Variants in MUSK observed in about 807,000 individuals in gnomAD.
The protein encoded by MUSK is muscle associated receptor tyrosine kinase.
MUSK carries 55 observed loss-of-function variants against 88.7 expected under a neutral mutation model. The observed-to-expected ratio is 0.62, with a 90% CI of 0.50 to 0.78. The LOEUF (loss-of-function observed/expected upper bound fraction) is 0.78. MUSK is among the 30% of genes least tolerant of loss of function. The probability of loss-of-function intolerance (pLI) is 0.00; values close to 1 mark genes in which losing one functional copy is unlikely to be tolerated. For missense variants in MUSK, 1,015 were observed against 1,074.3 expected (o/e 0.94, Z 0.77); for synonymous variants, 387 against 391.9 (o/e 0.99, Z 0.15).
intron 11 of MUSK, among the ~76,000 whole-genome samples, chr9:110,784,121 C>G (rs928524563): frequency 6.6e-6 from 1 of 152,000 alleles, no homozygotes; most frequent in Non-Finnish European, 1.5e-5. Flanking sequence ...AACATTGTTG[C>G]TGATTATTTT....
intron 7 of MUSK, among the ~76,000 whole-genome samples, chr9:110,760,427 G>A (rs2077382058): frequency 6.6e-6 from 1 of 152,066 alleles, no homozygotes; most frequent in Non-Finnish European, 1.5e-5. Context: ...GTATGGAACT[G>A]GAGGCCACTA....
chr9:110,801,045 G>A lies in MUSK; in HGVS notation c.*57G>A. 1 of 1,413,654 alleles carries A rather than the reference G, an allele frequency of 7.1e-7. No homozygotes were observed. The highest frequency in any genetic ancestry group is 9.3e-7 in the Non-Finnish European group (1 of 1,074,568). 87.6% of individuals were successfully genotyped at this position (1,413,654 alleles called of 1,614,324 possible). A position where few individuals can be genotyped will look rare whatever the true frequency, so the allele number is the denominator to read the frequency against. On this transcript the variant is annotated 3_prime_UTR_variant, in exon 15 of 15. Transcript: ENST00000374448. The stretch of plus-strand genomic sequence containing the variant: ...TTCCTCTCAGACTCTGTGAGCCAGG[G>A]GAATCCTACACCAGAGGCCCAACAA...
intron 3 of MUSK, among the ~76,000 whole-genome samples, chr9:110,689,925 A>T (rs1346492624): frequency 1.0e-5 from 1 of 96,320 alleles, no homozygotes; most frequent in Non-Finnish European, 1.8e-5. Flanking sequence ...ACATATTTAA[A>T]TATAATATAT....
chr9:110,757,869 T>G (rs1302518049), intron 7 of MUSK, among the ~76,000 whole-genome samples: 1 of 152,216 alleles, frequency 6.6e-6, no homozygotes, highest in African/African-American at 2.4e-5. Flanking sequence ...TTCTGTTTAG[T>G]GAGGTATTCG....
chr9:110,773,798 T>C (rs2077619800), intron 9 of MUSK, among the ~76,000 whole-genome samples: 1 of 152,176 alleles, frequency 6.6e-6, no homozygotes, highest in Admixed American at 6.5e-5. Flanking sequence ...GGCCATGTTG[T>C]AATAAAGAGG....
chr9:110,751,904 G>A (rs962272141), intron 7 of MUSK, among the ~76,000 whole-genome samples: 15 of 152,122 alleles, frequency 9.9e-5, no homozygotes, highest in African/African-American at 2.9e-4. Flanking sequence ...GTTGTTACTC[G>A]AAAACTGAAA....
At chr9:110,735,150 C>T (rs923885324) in intron 6 of MUSK, among the ~76,000 whole-genome samples, 7 of 152,096 alleles carry the variant, frequency 4.6e-5, no homozygotes, top group South Asian at 2.1e-4. Context: ...AACAGTATGG[C>T]GGTTACTCAA....
intron 2 of MUSK, among the ~76,000 whole-genome samples, chr9:110,685,233 C>T (rs1337779394): frequency 2.6e-5 from 4 of 152,048 alleles, no homozygotes; most frequent in African/African-American, 9.7e-5. Flanking sequence ...GTTTCTTACC[C>T]TTCATCTGTT....
At chr9:110,713,319 G>A (rs1042401913) in intron 5 of MUSK, among the ~76,000 whole-genome samples, 1 of 149,238 alleles carries the variant, frequency 6.7e-6, no homozygotes, top group Non-Finnish European at 1.5e-5. Context: ...AAGTGCAGTG[G>A]TGCAATCTCT....
intron 5 of MUSK, among the ~76,000 whole-genome samples, chr9:110,705,215 C>T (rs1564233778): frequency 6.6e-6 from 1 of 152,096 alleles, no homozygotes; most frequent in Non-Finnish European, 1.5e-5. Context: ...AGTTCTGTTG[C>T]TCCATTGATC....
intron 9 of MUSK, among the ~76,000 whole-genome samples, chr9:110,769,935 G>A (rs2077543592): frequency 6.6e-6 from 1 of 151,842 alleles, no homozygotes; most frequent in Admixed American, 6.6e-5. Flanking sequence ...AGCCATTGTG[G>A]TTTTCTGATT....
Position 110,721,776 on chromosome 9 carries a change from A to G in MUSK, c.629-12475A>G, listed in dbSNP as rs373049712. Among the ~76,000 whole-genome samples the G allele has an allele frequency of 3.0e-4, 46 of 152,310 alleles. 1 individual carries two copies. In the South Asian group the frequency reaches 8.3e-3, roughly 27 times the overall value. On this transcript the variant is annotated intron_variant, in intron 5 of 14. Coordinates refer to ENST00000374448, the MANE Select transcript of MUSK (RefSeq NM_005592.4). ...CATATGGAACCTAAAAAGAGCCCAC[A>G]TGGCCAAAGCAAGACTAAGCAAAAA...
chr9:110,771,512 G>T (rs1338532905), intron 9 of MUSK, among the ~76,000 whole-genome samples: 1 of 152,066 alleles, frequency 6.6e-6, no homozygotes, highest in Non-Finnish European at 1.5e-5. Context: ...AATATATACT[G>T]CTTTGTGTCT....
intron 14 of MUSK, among the ~76,000 whole-genome samples, chr9:110,788,661 T>C (rs2077917141): frequency 6.6e-6 from 1 of 150,904 alleles, no homozygotes; most frequent in African/African-American, 2.4e-5. Context: ...AAATCTGTGC[T>C]CTCATAGAGC....
At chr9:110,724,407 T>C (rs1010859503) in intron 5 of MUSK, among the ~76,000 whole-genome samples, 1 of 152,034 alleles carries the variant, frequency 6.6e-6, no homozygotes, top group African/African-American at 2.4e-5. Context: ...TCTACTTCCT[T>C]CATTCATATA....
At chr9:110,768,419 T>A (rs2766983) in intron 9 of MUSK, among the ~76,000 whole-genome samples, 10 of 152,006 alleles carry the variant, frequency 6.6e-5, no homozygotes, top group Non-Finnish European at 5.9e-5. Flanking sequence ...TCACTTGAAC[T>A]GGGGAGGCAG....
chr9:110,786,189 T>C (rs1012526385), intron 13 of MUSK, among the ~76,000 whole-genome samples: 14 of 150,694 alleles, frequency 9.3e-5, no homozygotes, highest in African/African-American at 3.2e-4. Context: ...TGCACAACTG[T>C]AGTCCTAGCT....
At chr9:110,774,866 T>TATACACACAC (rs371440047) in intron 9 of MUSK, among the ~76,000 whole-genome samples, 5 of 138,944 alleles carry the variant, frequency 3.6e-5, no homozygotes, top group African/African-American at 5.8e-5. Context: ...GGCATATATA[T>TATACACACAC]ACACACACAC....
chr9:110,671,389 ACTT>A (rs1232978997), intron 1 of MUSK, among the ~76,000 whole-genome samples: 1 of 152,234 alleles, frequency 6.6e-6, no homozygotes, highest in Non-Finnish European at 1.5e-5. Flanking sequence ...TAGATAATAT[ACTT>A]CTTCCTAAGT....
Sources: gnomAD v4.1 joint callset for allele counts (sites outside exome capture counted in the v4.1 genomes callset) on GRCh38, gnomAD v4.1.1 for gene constraint, MANE v1.5 for transcripts, NCBI Gene and HGNC (gene_info 2026-07-23, HGNC 2026-07-21) for gene names.